The following EYS variants were observed in gnomAD, a reference collection of about 807,000 sequenced individuals.
EYS encodes protein eyes shut homolog.
EYS carries 250 observed loss-of-function variants against 282.1 expected under a neutral mutation model. That is an observed-to-expected ratio of 0.89 (90% confidence interval 0.80 to 0.98). The LOEUF (loss-of-function observed/expected upper bound fraction) is 0.98, where lower values mean the gene tolerates loss of function less well. Ranked by LOEUF, EYS falls within the 50% of genes least tolerant of loss-of-function variation. The pLI, the probability that EYS is intolerant of heterozygous loss-of-function variation, is 0.00. For missense variants in EYS, 4,016 were observed against 3,709.0 expected (o/e 1.08, Z -2.15); for synonymous variants, 1,355 against 1,282.9 (o/e 1.06, Z -1.20).
chr6:65,587,496 C>T (rs769670614), intron 2 of EYS, among the ~76,000 whole-genome samples: 8 of 151,980 alleles, frequency 5.3e-5, no homozygotes, highest in Non-Finnish European at 7.4e-5. Flanking sequence ...TCCTTCCTGC[C>T]GCCATGTGAA....
intron 26 of EYS, among the ~76,000 whole-genome samples, chr6:64,526,077 C>G (rs1215663727): frequency 6.6e-6 from 1 of 151,638 alleles, no homozygotes; most frequent in Non-Finnish European, 1.5e-5. Flanking sequence ...GTGAAAAAAG[C>G]AAATCCTAAA....
chr6:65,564,722 T>G (rs1430094043), intron 2 of EYS, among the ~76,000 whole-genome samples: 1 of 151,982 alleles, frequency 6.6e-6, no homozygotes, highest in Non-Finnish European at 1.5e-5. Flanking sequence ...GGGCAAAGAC[T>G]TCACGACTTT....
At chr6:63,922,107 C>T (rs938383438) in intron 35 of EYS, among the ~76,000 whole-genome samples, 2 of 152,194 alleles carry the variant, frequency 1.3e-5, no homozygotes, top group Non-Finnish European at 2.9e-5. Flanking sequence ...CCCCAGAACC[C>T]AGCCATTCTG....
chr6:64,333,931 C>T (rs762236447), intron 29 of EYS, among the ~76,000 whole-genome samples: 35 of 152,230 alleles, frequency 2.3e-4, no homozygotes, highest in Admixed American at 5.9e-4. Flanking sequence ...GAATTGATGC[C>T]GCAAGACAAT....
At chr6:64,700,482 G>GTATAAGAAAGGTATAAAGGTATAAAGGT (rs1770744460) in intron 22 of EYS, among the ~76,000 whole-genome samples, 2 of 151,860 alleles carry the variant, frequency 1.3e-5, no homozygotes, top group Non-Finnish European at 2.9e-5. Flanking sequence ...CCTAGGAAAG[G>GTATAAGAAAGGTATAAAGGTATAAAGGT]CTAAAGACTC....
rs143079036 is a variant in EYS, at chr6:65,236,658, G to A, written c.2023+59205C>T. 7.3e-3 allele frequency among the ~76,000 whole-genome samples: 1,103 copies of A among 152,062 alleles called. 6 individuals are homozygous for A. The highest frequency in any genetic ancestry group is 0.01 in the Non-Finnish European group (713 of 67,978). ...ATCATTTTGGCAGATGATGGTTTGT[G>A]GCTACCAAATATATGCTTATAACAC... On this transcript the variant is annotated intron_variant, in intron 12 of 42. Transcript: ENST00000503581.
intron 12 of EYS, among the ~76,000 whole-genome samples, chr6:65,075,419 T>C (rs1191998291): frequency 6.6e-6 from 1 of 152,014 alleles, no homozygotes; most frequent in Non-Finnish European, 1.5e-5. Context: ...ATTTAACTTA[T>C]ATATAACTAA....
chr6:65,290,342 T>A (rs930501460), intron 12 of EYS, among the ~76,000 whole-genome samples: 2 of 151,132 alleles, frequency 1.3e-5, no homozygotes, highest in South Asian at 2.1e-4. Flanking sequence ...TGCAGAAAAG[T>A]CTAACTATTA....
chr6:63,793,394 GTGTTC>G (rs1241658966), intron 37 of EYS, among the ~76,000 whole-genome samples: 1 of 152,204 alleles, frequency 6.6e-6, no homozygotes, highest in East Asian at 1.9e-4. Context: ...AGTGTTTCTG[GTGTTC>G]TGTTAAGAAG....
At chr6:65,065,959 A>T (rs1773732812) in intron 12 of EYS, among the ~76,000 whole-genome samples, 1 of 152,218 alleles carries the variant, frequency 6.6e-6, no homozygotes, top group African/African-American at 2.4e-5. Context: ...TCTACAACTG[A>T]ATGGCCCTCC....
chr6:63,774,851 T>G (rs1459591702), intron 40 of EYS, among the ~76,000 whole-genome samples: 1 of 151,454 alleles, frequency 6.6e-6, no homozygotes, highest in Non-Finnish European at 1.5e-5. Flanking sequence ...CACTAAACAT[T>G]TTTAGTTTGG....
intron 22 of EYS, among the ~76,000 whole-genome samples, chr6:64,780,002 TAAC>T: frequency 6.6e-6 from 1 of 152,266 alleles, no homozygotes; most frequent in East Asian, 1.9e-4. Flanking sequence ...AGATATGAAA[TAAC>T]AACATCTTAA....
chr6:64,561,924 A>AC (rs903913363), intron 26 of EYS, among the ~76,000 whole-genome samples: 7 of 150,744 alleles, frequency 4.6e-5, no homozygotes, highest in Non-Finnish European at 1.0e-4. Flanking sequence ...GGAACCAAAA[A>AC]AAAAAAAAAA....
rs182406474 is a variant in EYS at position 65,531,191 on chromosome 6, G to C, written c.-332-35198C>G. On this transcript the variant is annotated intron_variant, in intron 2 of 42. Transcript: ENST00000503581. ...GAAATAAGGAATGCCACAGAGTTCA[G>C]GATAGGAAATTTTATAGAAATTAAT... is the stretch of plus-strand genomic sequence containing the variant. 4.9e-3 allele frequency among the ~76,000 whole-genome samples: 739 copies of C among 152,092 alleles called. 2 individuals carry two copies. The highest frequency in any genetic ancestry group is 0.016 in the African/African-American group (670 of 41,486).
At chr6:65,491,432 A>C in intron 4 of EYS, 1 of 312,108 alleles carries the variant, frequency 3.2e-6, no homozygotes, top group Non-Finnish European at 6.3e-6. Flanking sequence ...AACTGCATGT[A>C]ATTTGGCAAT....
intron 33 of EYS, among the ~76,000 whole-genome samples, chr6:64,024,631 G>A (rs544247342): frequency 2.6e-5 from 4 of 152,016 alleles, no homozygotes; most frequent in Non-Finnish European, 5.9e-5. Context: ...CTGCCTTTAT[G>A]AGCTGTAACA....
At chr6:64,003,858 T>A (rs1049236885) in intron 33 of EYS, among the ~76,000 whole-genome samples, 7 of 152,182 alleles carry the variant, frequency 4.6e-5, no homozygotes. Flanking sequence ...CTTTTCCCCC[T>A]CTTTGCTCTT....
intron 16 of EYS, among the ~76,000 whole-genome samples, chr6:64,909,577 A>G (rs1334349359): frequency 6.6e-6 from 1 of 152,036 alleles, no homozygotes; most frequent in East Asian, 1.9e-4. Flanking sequence ...TTGCCTCCTC[A>G]TTTTCCTGTA....
intron 40 of EYS, 139 bp from the exon 41 acceptor site, chr6:63,762,772 T>G: frequency 1.2e-6 from 1 of 806,706 alleles, no homozygotes; most frequent in South Asian, 2.0e-5. Flanking sequence ...AACCCTAAAT[T>G]GTCAAAGGAA....
Sources: gnomAD v4.1 joint callset for allele counts (sites outside exome capture counted in the v4.1 genomes callset) on GRCh38, gnomAD v4.1.1 for gene constraint, MANE v1.5 for transcripts, NCBI Gene and HGNC (gene_info 2026-07-23, HGNC 2026-07-21) for gene names.